MATN2: variants seen among roughly 807,000 people sequenced by gnomAD.
MATN2 encodes the protein matrilin-2.
MATN2 carries 69 observed loss-of-function variants against 103.2 expected under a neutral mutation model. The observed-to-expected ratio is 0.67, with a 90% CI of 0.55 to 0.82. MATN2 has a LOEUF of 0.82. Among genes scored for constraint, MATN2 ranks in the 40% least tolerant of loss-of-function variants. The pLI, the probability that MATN2 is intolerant of heterozygous loss-of-function variation, is 0.00. For missense variants in MATN2, 1,023 were observed against 1,211.5 expected (o/e 0.84, Z 2.31); for synonymous variants, 429 against 450.2 (o/e 0.95, Z 0.60).
intron 2 of MATN2, among the ~76,000 whole-genome samples, chr8:97,889,301 A>G (rs1818545647): frequency 1.3e-5 from 2 of 151,980 alleles, no homozygotes; most frequent in Admixed American, 6.6e-5. Context: ...CCCCAGTGAT[A>G]GGTCTTCCAG....
At position 98,027,591 on chromosome 8, in the gene MATN2, G is replaced by T. The variant is rs1354207448; in HGVS notation, c.2118G>T (p.Glu706Asp). The T allele has an allele frequency of 5.0e-6, 8 of 1,613,720 alleles. No individual in the cohort carries two copies. The African/African-American group carries it at 1.1e-4, about 22-fold the overall frequency. Residue 706 changes from glutamate to aspartate, a missense_variant, in exon 14 of 19, where the codon GAG (glutamate) becomes GAT (aspartate). By Grantham distance (45) the Glu-to-Asp change is conservative (BLOSUM62 2). Transcript: ENST00000254898. ...LLQYSTQVHT[E>D]FTLRNFNSAK... ...AGTATTCCACACAGGTCCACACAGA[G>T]TTCACTCTGAGAAACTTCAACTCAG...
At chr8:98,026,153 T>G (rs1364718720) in intron 13 of MATN2, among the ~76,000 whole-genome samples, 2 of 121,552 alleles carry the variant, frequency 1.6e-5, no homozygotes, top group African/African-American at 6.1e-5. Flanking sequence ...CACTTCAGCC[T>G]GGGTAACAGA....
intron 17 of MATN2, 138 bp downstream of exon 17, chr8:98,033,314 A>C: frequency 1.1e-6 from 1 of 870,586 alleles, no homozygotes; most frequent in Non-Finnish European, 1.7e-6. Context: ...AATTTAAGTA[A>C]AATGAGAACT....
intron 1 of MATN2, among the ~76,000 whole-genome samples, chr8:97,879,542 G>A (rs1818187953): frequency 6.6e-6 from 1 of 152,200 alleles, no homozygotes; most frequent in African/African-American, 2.4e-5. Context: ...TAGAACATTC[G>A]CTGCAGCAGT....
intron 2 of MATN2, among the ~76,000 whole-genome samples, chr8:97,908,006 G>T (rs1261871109): frequency 1.3e-5 from 2 of 152,172 alleles, no homozygotes; most frequent in Non-Finnish European, 2.9e-5. Flanking sequence ...GGGCGTGGTG[G>T]CAGACGCCTG....
chr8:97,895,960 A>G (rs914173952), intron 2 of MATN2, among the ~76,000 whole-genome samples: 5 of 152,212 alleles, frequency 3.3e-5, no homozygotes, highest in Admixed American at 6.5e-5. Context: ...TGGAGCAAAG[A>G]GAAAGACACG....
chr8:97,892,069 T>C (rs1818651304), intron 2 of MATN2, among the ~76,000 whole-genome samples: 1 of 151,916 alleles, frequency 6.6e-6, no homozygotes, highest in Non-Finnish European at 1.5e-5. Context: ...AAAAACTGTC[T>C]CTACTAAAAA....
intron 4 of MATN2, among the ~76,000 whole-genome samples, chr8:97,942,707 A>T (rs1810609411): frequency 6.6e-6 from 1 of 152,200 alleles, no homozygotes; most frequent in Admixed American, 6.5e-5. Context: ...GCCATGTGTA[A>T]TTGTTGCAGT....
intron 1 of MATN2, among the ~76,000 whole-genome samples, chr8:97,872,584 T>C (rs1038993081): frequency 6.6e-6 from 1 of 152,208 alleles, no homozygotes; most frequent in Non-Finnish European, 1.5e-5. Context: ...TTGTAGGCTC[T>C]TGGGAAAATG....
chr8:97,913,056 A>G (rs1316184936), intron 2 of MATN2, among the ~76,000 whole-genome samples: 1 of 152,178 alleles, frequency 6.6e-6, no homozygotes, highest in Non-Finnish European at 1.5e-5. Flanking sequence ...TGCTGAGCAG[A>G]CACCAGAACA....
intron 5 of MATN2, among the ~76,000 whole-genome samples, chr8:97,971,095 G>A (rs1220052829): frequency 1.3e-5 from 2 of 152,138 alleles, no homozygotes; most frequent in Non-Finnish European, 2.9e-5. Context: ...TAAATGGGGA[G>A]GGGTCTGGCA....
At chr8:98,020,814 A>G (rs1487161880) in intron 12 of MATN2, among the ~76,000 whole-genome samples, 1 of 152,186 alleles carries the variant, frequency 6.6e-6, no homozygotes, top group Non-Finnish European at 1.5e-5. Context: ...CTTGTCTCAC[A>G]GGGTGTTGTG....
chr8:98,006,987 G>A, intron 8 of MATN2, 118 bp from the exon 9 acceptor site: 5 of 1,054,640 alleles, frequency 4.7e-6, no homozygotes, highest in Admixed American at 2.1e-5. Context: ...AGTGATGTGG[G>A]GTAGAATGAC....
intron 4 of MATN2, among the ~76,000 whole-genome samples, chr8:97,960,674 T>C (rs887254002): frequency 1.3e-5 from 2 of 152,232 alleles, no homozygotes; most frequent in Non-Finnish European, 1.5e-5. Context: ...GTTATTAGAA[T>C]GAATACATAG....
intron 1 of MATN2, among the ~76,000 whole-genome samples, chr8:97,872,455 C>A (rs1563636158): frequency 6.6e-6 from 1 of 152,208 alleles, no homozygotes; most frequent in Non-Finnish European, 1.5e-5. Flanking sequence ...TAACAAATTT[C>A]ACAAACATAG....
chr8:98,026,839 G>C (rs944844343), intron 13 of MATN2, among the ~76,000 whole-genome samples: 3 of 152,140 alleles, frequency 2.0e-5, no homozygotes, highest in Admixed American at 6.6e-5. Flanking sequence ...ATTGTGTCTT[G>C]GTCACTATTG....
At chr8:97,900,030 C>G (rs1050949233) in intron 2 of MATN2, among the ~76,000 whole-genome samples, 3 of 152,198 alleles carry the variant, frequency 2.0e-5, no homozygotes, top group Admixed American at 2.0e-4. Context: ...AATCCCAGGG[C>G]TGAAGATGGG....
intron 12 of MATN2, 141 bp downstream of exon 12, chr8:98,018,257 G>A: frequency 8.9e-7 from 1 of 1,127,816 alleles, no homozygotes; most frequent in Non-Finnish European, 1.3e-6. Flanking sequence ...AAAGTGTTTA[G>A]CTAGAGATCA....
chr8:98,000,278 G>C (rs562456849), intron 7 of MATN2, among the ~76,000 whole-genome samples: 1 of 151,810 alleles, frequency 6.6e-6, no homozygotes, highest in Non-Finnish European at 1.5e-5. Context: ...TATTAACCTC[G>C]CTAAACCTCA....
Sources: allele counts gnomAD v4.1 joint callset (sites outside exome capture counted in the v4.1 genomes callset), GRCh38; gene constraint gnomAD v4.1.1; transcripts MANE v1.5; gene names NCBI Gene and HGNC (gene_info 2026-07-23, HGNC 2026-07-21).